ZC3H6: variants seen among roughly 807,000 people sequenced by gnomAD.
ZC3H6 encodes the protein zinc finger CCCH domain-containing protein 6.
In ZC3H6, 40 loss-of-function variants were observed where a neutral mutation model predicts 107.7. The ratio of observed to expected loss-of-function variants is 0.37; its 90% CI spans 0.29 to 0.48. ZC3H6 has a LOEUF of 0.48. Ranked by LOEUF, ZC3H6 falls within the 20% of genes least tolerant of loss-of-function variation. The pLI is 0.98. For missense variants in ZC3H6, 1,267 were observed against 1,410.4 expected, an observed-to-expected ratio of 0.90 and a Z score of 1.63; for synonymous variants, 493 against 487.9, an observed-to-expected ratio of 1.01 and a Z score of -0.14.
In ZC3H6 at chr2:112,322,630, C is replaced by A; in HGVS notation, c.1087-19C>A. ...AAAAGACTCGCTTTGAAATAGTAATCTTTGCCAATTATTTTTAGGTGTTGA... is the reference window on the plus strand; with the variant it reads ...AAAAGACTCGCTTTGAAATAGTAATATTTGCCAATTATTTTTAGGTGTTGA... On this transcript the variant is annotated intron_variant, in intron 8 of 11. Transcript: ENST00000409871. 1.9e-6 allele frequency: 3 copies of A among 1,574,922 alleles called. No homozygotes were observed. The highest frequency in any genetic ancestry group is 1.2e-5 in the South Asian group (1 of 84,280).
chr2:112,278,474 C>T (rs1236643308), intron 1 of ZC3H6, among the ~76,000 whole-genome samples: 2 of 152,156 alleles, frequency 1.3e-5, no homozygotes, highest in Non-Finnish European at 2.9e-5. Flanking sequence ...CCCGCCACCA[C>T]ACCTGGCTAA....
At chr2:112,317,160 C>A in intron 6 of ZC3H6, 61 bp from the exon 7 acceptor site, 1 of 922,542 alleles carries the variant, frequency 1.1e-6, no homozygotes, top group Non-Finnish European at 1.5e-6. Context: ...GCTGTTGTTT[C>A]TTTGTTTCTC....
chr2:112,287,283 C>A (rs1686625985), intron 1 of ZC3H6, among the ~76,000 whole-genome samples: 2 of 151,948 alleles, frequency 1.3e-5, no homozygotes, highest in South Asian at 4.2e-4. Flanking sequence ...GAAAGTAAAT[C>A]AATTCTAGCT....
In ZC3H6 at chr2:112,334,504, A is replaced by G. The variant is rs1042065635; in HGVS notation, c.*2016A>G. 17 of 152,160 alleles carry G rather than the reference A, an allele frequency of 1.1e-4. No homozygotes were observed. The highest frequency in any genetic ancestry group is 3.9e-4 in the African/African-American group (16 of 41,466). The allele number at this position is 152,160 out of a possible 1,614,324, so 9.4% of individuals were successfully genotyped here. A position where few individuals can be genotyped will look rare whatever the true frequency, so the allele number is the denominator to read the frequency against. On this transcript the variant is annotated 3_prime_UTR_variant, in exon 12 of 12. Coordinates refer to ENST00000409871, the MANE Select transcript of ZC3H6 (RefSeq NM_198581.3). ...AACTAAAAGAGATATTCCAAGATTTATTAAAGAGTCAGGTTTAAAAGTTAT... is the reference window on the plus strand; with the variant it reads ...AACTAAAAGAGATATTCCAAGATTTGTTAAAGAGTCAGGTTTAAAAGTTAT...
intron 1 of ZC3H6, among the ~76,000 whole-genome samples, chr2:112,298,747 TGTC>T (rs1359261210): frequency 2.0e-5 from 3 of 152,192 alleles, no homozygotes; most frequent in Non-Finnish European, 4.4e-5. Flanking sequence ...AAATACAAAT[TGTC>T]GTATGCACAC....
At chr2:112,284,786 G>A (rs1243348092) in intron 1 of ZC3H6, among the ~76,000 whole-genome samples, 2 of 152,014 alleles carry the variant, frequency 1.3e-5, no homozygotes, top group African/African-American at 4.8e-5. Context: ...AACTTTTGGA[G>A]GTTTTCCTCC....
At position 112,339,570 on chromosome 2, in the gene ZC3H6, ATG is replaced by A; in HGVS notation, c.*7088_*7089del. The A allele has an allele frequency of 6.6e-6, 1 of 151,884 alleles. No individual in the cohort carries two copies. Among genetic ancestry groups the A allele is most frequent in the East Asian group, 1.9e-4 (1 of 5,172 alleles). 9.4% of individuals were successfully genotyped at this position (151,884 alleles called of 1,614,324 possible). Reference sequence around the variant, plus strand: ...CACAGTCTAGGCAGGGCATCTTTGTATGTGTGTTGCTGGTTGGGGCCAGGGAC... The same window carrying A: ...CACAGTCTAGGCAGGGCATCTTTGTATGTGTTGCTGGTTGGGGCCAGGGAC... On this transcript the variant is annotated 3_prime_UTR_variant, in exon 12 of 12. Coordinates refer to ENST00000409871, the MANE Select transcript of ZC3H6 (RefSeq NM_198581.3).
chr2:112,289,093 G>A (rs1235481351), intron 1 of ZC3H6, among the ~76,000 whole-genome samples: 1 of 141,322 alleles, frequency 7.1e-6, no homozygotes, highest in African/African-American at 2.7e-5. Context: ...ATCCCGCCCT[G>A]TTGCCCAGGC....
At position 112,333,560 on chromosome 2, in the gene ZC3H6, T is replaced by G. The variant is rs1411018564; in HGVS notation, c.*1072T>G. 1 of 152,176 alleles carries G rather than the reference T, an allele frequency of 6.6e-6. No individual in the cohort carries two copies. Among genetic ancestry groups the G allele is most frequent in the African/African-American group, 2.4e-5 (1 of 41,452 alleles). 9.4% of individuals were successfully genotyped at this position (152,176 alleles called of 1,614,324 possible). A position where few individuals can be genotyped will look rare whatever the true frequency, so the allele number is the denominator to read the frequency against. ...GTGTTTTAAGTATTTAATGTCCTCA[T>G]AGTGTGGAAATCCCCTAAATTGATT... is the stretch of plus-strand genomic sequence containing the variant. On this transcript the variant is annotated 3_prime_UTR_variant, in exon 12 of 12. Coordinates refer to ENST00000409871, the MANE Select transcript of ZC3H6 (RefSeq NM_198581.3).
Position 112,331,079 on chromosome 2 carries a change from C to T in ZC3H6, c.2161C>T (p.Gln721Ter). The change falls in exon 12 of 12, where the codon CAG becomes TAG. Residue 721 changes from glutamine (Q) to a stop codon, truncating the protein, a stop_gained. Coordinates refer to ENST00000409871, the MANE Select transcript of ZC3H6 (RefSeq NM_198581.3). LOFTEE classifies it high-confidence loss of function. ...SSVKSILKTL[Q>*]KQTETLRNQQ... is the part of the protein sequence containing the mutation. Reference sequence around the variant, plus strand: ...TGTCAAATCAATACTGAAAACATTACAGAAACAAACAGAAACTTTAAGGAA... The same window carrying T: ...TGTCAAATCAATACTGAAAACATTATAGAAACAAACAGAAACTTTAAGGAA... 6.2e-7 allele frequency: 1 copy of T among 1,601,222 alleles called. No individual in the cohort carries two copies.
chr2:112,312,103 T>C (rs1676606121), intron 5 of ZC3H6, 166 bp downstream of exon 5: 1 of 625,294 alleles, frequency 1.6e-6, no homozygotes, highest in South Asian at 4.3e-5. Context: ...TGTTAATTAG[T>C]TGTGAAACTA....
Position 112,338,804 on chromosome 2 carries a change from A to G in ZC3H6, c.*6316A>G, listed in dbSNP as rs1345617663. 1 of 146,960 alleles carries G rather than the reference A, an allele frequency of 6.8e-6. No homozygotes were observed. The highest frequency in any genetic ancestry group is 2.5e-5 in the African/African-American group (1 of 40,728). The allele number at this position is 146,960 out of a possible 1,614,324, so 9.1% of individuals were successfully genotyped here. ...TATTCTCAAACCTCCATTACCACTAATATCTTGGGGTTGTCAATGATAGAC... is the reference window on the plus strand; with the variant it reads ...TATTCTCAAACCTCCATTACCACTAGTATCTTGGGGTTGTCAATGATAGAC... On this transcript the variant is annotated 3_prime_UTR_variant, in exon 12 of 12. Transcript: ENST00000409871.
At chr2:112,287,544 T>TG (rs1182063823) in intron 1 of ZC3H6, among the ~76,000 whole-genome samples, 1 of 152,166 alleles carries the variant, frequency 6.6e-6, no homozygotes, top group Non-Finnish European at 1.5e-5. Flanking sequence ...TTGCATTGGA[T>TG]GGGGGCAGAT....
In ZC3H6 at chr2:112,324,556, T is replaced by C. The variant is rs1476091945; in HGVS notation, c.1745T>C (p.Met582Thr). Residue 582 changes from methionine (M) to threonine (T), a missense_variant, in exon 10 of 12, where the codon ATG (methionine) becomes ACG (threonine). By Grantham distance (81) the Met-to-Thr change is moderately conservative. Coordinates refer to ENST00000409871, the MANE Select transcript of ZC3H6 (RefSeq NM_198581.3). ...GSSYQQSPGE[M>T]QLNTNYESLQ... ...TCATACCAGCAAAGTCCTGGTGAAA[T>C]GCAGCTCAACACCAATTATGAGTCC... 1.2e-6 allele frequency: 2 copies of C among 1,612,378 alleles called. No homozygotes were observed. Among genetic ancestry groups the C allele is most frequent in the East Asian group, 2.2e-5 (1 of 44,842 alleles).
chr2:112,301,455 T>C (rs1676370760), intron 2 of ZC3H6, among the ~76,000 whole-genome samples: 1 of 152,188 alleles, frequency 6.6e-6, no homozygotes, highest in Admixed American at 6.5e-5. Flanking sequence ...TATTTTTGAA[T>C]ACTTCATGCT....
At chr2:112,289,498 G>T (rs1366950167) in intron 1 of ZC3H6, among the ~76,000 whole-genome samples, 1 of 148,132 alleles carries the variant, frequency 6.8e-6, no homozygotes, top group Non-Finnish European at 1.5e-5. Context: ...CTGATTTATT[G>T]TATTTTTTAG....
chr2:112,276,315 C>T (rs1156932842), intron 1 of ZC3H6, among the ~76,000 whole-genome samples: 2 of 150,768 alleles, frequency 1.3e-5, no homozygotes, highest in South Asian at 2.1e-4. Flanking sequence ...GTGCGCCGGG[C>T]GGCTCTCAGC....
intron 1 of ZC3H6, among the ~76,000 whole-genome samples, chr2:112,286,667 G>A (rs1198059572): frequency 4.6e-5 from 7 of 152,184 alleles, no homozygotes; most frequent in Admixed American, 3.9e-4. Flanking sequence ...TGAGCCTCCT[G>A]GGCTCAAGTG....
At chr2:112,281,023 T>G (rs1052495707) in intron 1 of ZC3H6, among the ~76,000 whole-genome samples, 8 of 152,182 alleles carry the variant, frequency 5.3e-5, no homozygotes, top group South Asian at 2.1e-4. Context: ...AAGCTTAATA[T>G]GTATTGTTCT....
Sources: allele counts gnomAD v4.1 joint callset (sites outside exome capture counted in the v4.1 genomes callset), GRCh38; gene constraint gnomAD v4.1.1; transcripts MANE v1.5; gene names NCBI Gene and HGNC (gene_info 2026-07-23, HGNC 2026-07-21).